TSNARE1: variants seen among roughly 807,000 people sequenced by gnomAD.
TSNARE1 encodes the protein t-SNARE domain containing 1.
TSNARE1 carries 49 observed loss-of-function variants against 62.0 expected under a neutral mutation model. The ratio of observed to expected loss-of-function variants is 0.79; its 90% CI spans 0.63 to 1.00. The LOEUF (loss-of-function observed/expected upper bound fraction) is 1.00, where lower values mean the gene tolerates loss of function less well. Among genes scored for constraint, TSNARE1 ranks in the 50% least tolerant of loss-of-function variants. The pLI is 0.00. For missense variants in TSNARE1, 755 were observed against 700.1 expected (o/e 1.08, Z -0.88); for synonymous variants, 328 against 294.4 (o/e 1.11, Z -1.17).
At position 142,239,334 on chromosome 8, in the gene TSNARE1, G is replaced by A. The variant is rs542027376; in HGVS notation, c.1447-9755C>T. On this transcript the variant is annotated intron_variant, in intron 12 of 13. Transcript: ENST00000524325. Reference sequence around the variant, plus strand: ...AGGAGCCTTAAAGCCCCTTGGGTAAGAGCCAAGACAGGCCTGGAGAGTGTG... The same window carrying A: ...AGGAGCCTTAAAGCCCCTTGGGTAAAAGCCAAGACAGGCCTGGAGAGTGTG... Among the ~76,000 whole-genome samples the A allele has an allele frequency of 7.2e-5, 11 of 152,364 alleles. No homozygotes were observed. The East Asian group carries it at 2.1e-3, about 29-fold the overall frequency.
chr8:142,276,476 G>C (rs1015740350), intron 11 of TSNARE1: 1 of 985,384 alleles, frequency 1.0e-6, no homozygotes, highest in Non-Finnish European at 1.2e-6. Flanking sequence ...TACACCTGCA[G>C]TGGTAACAGC....
chr8:142,360,813 C>T lies in TSNARE1; in HGVS notation c.-39-6050G>A, dbSNP rs113088600. On this transcript the variant is annotated intron_variant, in intron 1 of 13. Transcript: ENST00000524325. ...AGGGAGGCCTGGCAGCAGGCCACAC[C>T]CACTGCCCACCGGGCTCCCGGCTCC... is the stretch of plus-strand genomic sequence containing the variant. 2.6e-3 allele frequency among the ~76,000 whole-genome samples: 389 copies of T among 152,326 alleles called. 1 individual carries two copies. The highest frequency in any genetic ancestry group is 0.01 in the Middle Eastern group (3 of 294).
At position 142,356,540 on chromosome 8, in the gene TSNARE1, A is replaced by T. The variant is rs192183341; in HGVS notation, c.-39-1777T>A. On this transcript the variant is annotated intron_variant, in intron 1 of 13. Coordinates refer to ENST00000524325, the MANE Select transcript of TSNARE1 (RefSeq NM_145003.5). ...ACATGTGCCGGGGCCTCATCGGGAA[A>T]AGCTCAGATGTGGAAGACAGCCCAA... Among the ~76,000 whole-genome samples the T allele has an allele frequency of 4.2e-3, 639 of 152,328 alleles. 11 individuals carry two copies. The highest frequency in any genetic ancestry group is 0.025 in the East Asian group (132 of 5,190).
intron 13 of TSNARE1, among the ~76,000 whole-genome samples, chr8:142,227,297 C>T (rs1444840561): frequency 1.4e-5 from 2 of 145,080 alleles, no homozygotes; most frequent in African/African-American, 2.8e-5. Flanking sequence ...ACAGTGACAG[C>T]CAGGACCCCC....
intron 1 of TSNARE1, among the ~76,000 whole-genome samples, chr8:142,388,606 G>A (rs1414311263): frequency 7.4e-6 from 1 of 134,920 alleles, no homozygotes; most frequent in African/African-American, 2.8e-5. Context: ...CACCCAAGCT[G>A]GAATGCAGTG....
chr8:142,252,726 C>A (rs1818235940), intron 12 of TSNARE1, among the ~76,000 whole-genome samples: 1 of 152,206 alleles, frequency 6.6e-6, no homozygotes, highest in Non-Finnish European at 1.5e-5. Context: ...TTCCAGCCAC[C>A]CCTGCTGTCT....
At chr8:142,311,967 TC>T (rs1827690917) in intron 9 of TSNARE1, among the ~76,000 whole-genome samples, 3 of 152,260 alleles carry the variant, frequency 2.0e-5, no homozygotes, top group Non-Finnish European at 4.4e-5. Context: ...ATTTACTATT[TC>T]CTTTCACATG....
At chr8:142,352,882 C>G (rs1834290924) in intron 2 of TSNARE1, among the ~76,000 whole-genome samples, 1 of 152,232 alleles carries the variant, frequency 6.6e-6, no homozygotes, top group African/African-American at 2.4e-5. Flanking sequence ...ACCGTTAGAT[C>G]TGAACCTGTG....
chr8:142,284,392 G>T, intron 11 of TSNARE1, 21 bp downstream of exon 11: 1 of 1,608,656 alleles, frequency 6.2e-7, no homozygotes, highest in Non-Finnish European at 8.5e-7. Context: ...CAGGTGGCCC[G>T]AGGCTGGGGC....
intron 10 of TSNARE1, among the ~76,000 whole-genome samples, chr8:142,286,551 T>G (rs1822794328): frequency 6.6e-6 from 1 of 152,196 alleles, no homozygotes; most frequent in Non-Finnish European, 1.5e-5. Context: ...AGTGTGCATC[T>G]GTGGCATGGC....
At chr8:142,345,994 C>T (rs1339078005) in intron 2 of TSNARE1, 102 bp from the exon 3 acceptor site, 15 of 1,414,736 alleles carry the variant, frequency 1.1e-5, no homozygotes, top group African/African-American at 8.6e-5. Context: ...ACCCGAGATG[C>T]TCCACTCAGG....
intron 12 of TSNARE1, among the ~76,000 whole-genome samples, chr8:142,262,915 C>T (rs61131965): frequency 0.099 from 15,037 of 152,218 alleles, 1,009 homozygotes; most frequent in East Asian, 0.3. Flanking sequence ...TGTACGGAAA[C>T]GCCTTTGATT....
At chr8:142,285,732 G>A (rs543589645) in intron 10 of TSNARE1, among the ~76,000 whole-genome samples, 4 of 152,248 alleles carry the variant, frequency 2.6e-5, no homozygotes, top group South Asian at 4.2e-4. Context: ...CGTGGGCCAG[G>A]AGGACTTCGG....
chr8:142,358,572 C>T (rs924512719), intron 1 of TSNARE1, among the ~76,000 whole-genome samples: 8 of 152,220 alleles, frequency 5.3e-5, no homozygotes, highest in Non-Finnish European at 1.2e-4. Flanking sequence ...AATTTCATTT[C>T]GCTGCATATG....
At chr8:142,345,115 C>A (rs1833179354) in intron 3 of TSNARE1, among the ~76,000 whole-genome samples, 2 of 152,260 alleles carry the variant, frequency 1.3e-5, no homozygotes, top group African/African-American at 4.8e-5. Context: ...GGGAACAGGG[C>A]TGCACTGGCA....
At chr8:142,345,920 T>C in intron 2 of TSNARE1, 28 bp from the exon 3 acceptor site, 1 of 1,603,120 alleles carries the variant, frequency 6.2e-7, no homozygotes, top group Non-Finnish European at 8.5e-7. Flanking sequence ...CAGTCACGAT[T>C]ACTCTCAGCT....
intron 9 of TSNARE1, among the ~76,000 whole-genome samples, chr8:142,305,384 C>T (rs1466623232): frequency 1.3e-5 from 2 of 152,200 alleles, no homozygotes; most frequent in Non-Finnish European, 2.9e-5. Flanking sequence ...TCCGTGTGGA[C>T]GCCCAGGAAA....
chr8:142,279,469 G>A (rs1821042990), intron 11 of TSNARE1, among the ~76,000 whole-genome samples: 1 of 152,208 alleles, frequency 6.6e-6, no homozygotes, highest in Admixed American at 6.5e-5. Context: ...GCCACCTTGT[G>A]ACCGCCTCCC....
At chr8:142,317,710 C>A (rs1288832287) in intron 7 of TSNARE1, among the ~76,000 whole-genome samples, 1 of 152,148 alleles carries the variant, frequency 6.6e-6, no homozygotes, top group East Asian at 1.9e-4. Flanking sequence ...GTAATCCCAG[C>A]ACTTTGGGAG....
Sources: gnomAD v4.1 joint callset for allele counts (sites outside exome capture counted in the v4.1 genomes callset) on GRCh38, gnomAD v4.1.1 for gene constraint, MANE v1.5 for transcripts, NCBI Gene and HGNC (gene_info 2026-07-23, HGNC 2026-07-21) for gene names.